The following CCNA1 variants were observed in gnomAD, a reference collection of about 807,000 sequenced individuals.
The protein encoded by CCNA1 is cyclin A1, also known as cyclin-A1.
CCNA1 carries 23 observed loss-of-function variants against 54.1 expected under a neutral mutation model. The observed-to-expected ratio is 0.42, with a 90% CI of 0.31 to 0.60. CCNA1 has a LOEUF of 0.60. CCNA1 is among the 20% of genes least tolerant of loss of function. The probability of loss-of-function intolerance (pLI) is 0.14; values close to 1 mark genes in which losing one functional copy is unlikely to be tolerated. For synonymous variants in CCNA1, 208 were observed against 213.9 expected, an observed-to-expected ratio of 0.97 and a Z score of 0.24; for missense variants, 450 against 556.7, an observed-to-expected ratio of 0.81 and a Z score of 1.93.
intron 2 of CCNA1, 35 bp from the exon 3 acceptor site, chr13:36,437,594 C>T (rs766678312): frequency 1.4e-5 from 22 of 1,603,938 alleles, no homozygotes; most frequent in South Asian, 4.5e-5. Flanking sequence ...TGGTCTTTGA[C>T]GTGGCCTCTA....
chr13:36,433,187 CT>C lies in CCNA1; in HGVS notation c.264del (p.Ala89GlnfsTer54). 1 of 1,613,962 alleles carries C rather than the reference CT, an allele frequency of 6.2e-7. No homozygotes were observed. Among genetic ancestry groups the C allele is most frequent in the South Asian group, 1.1e-5 (1 of 91,060 alleles). Reference sequence around the variant, plus strand: ...CAGAGGACAGTGCTAGGGCTGCTAACTGCAAATGGGCAGTACAGGAGGACCT... The same window carrying C: ...CAGAGGACAGTGCTAGGGCTGCTAACGCAAATGGGCAGTACAGGAGGACCT... On this transcript the variant is annotated frameshift_variant, in exon 2 of 9. Coordinates refer to ENST00000255465, the MANE Select transcript of CCNA1 (RefSeq NM_003914.4). LOFTEE classifies it high-confidence loss of function.
intron 2 of CCNA1, among the ~76,000 whole-genome samples, chr13:36,435,929 C>A (rs911694708): frequency 6.6e-6 from 1 of 152,200 alleles, no homozygotes; most frequent in African/African-American, 2.4e-5. Flanking sequence ...GCCTCCAAAC[C>A]TTTGTCTTCC....
rs749179710 is a variant in CCNA1, at chr13:36,441,121, G to A, written c.1102G>A (p.Val368Ile). Residue 368 changes from valine (V) to isoleucine (I), a missense_variant, in exon 7 of 9, where the codon GTA becomes ATA. This residue lies in a region of CCNA1 where 150 missense variants were observed against 219.7 expected (regional missense o/e 0.68). Coordinates refer to ENST00000255465, the MANE Select transcript of CCNA1 (RefSeq NM_003914.4). Reference sequence around the variant, plus strand: ...TGTTTTCTTCTCTTGTGCTTAGTACGTAGCAGAGCTGAGTCTACTTGAAGC... The same window carrying A: ...TGTTTTCTTCTCTTGTGCTTAGTACATAGCAGAGCTGAGTCTACTTGAAGC... 3.2e-5 allele frequency: 50 copies of A among 1,566,898 alleles called. No homozygotes were observed. Among genetic ancestry groups the A allele is most frequent in the East Asian group, 9.0e-5 (4 of 44,472 alleles).
rs1394920917 is a variant in CCNA1 at position 36,440,430 on chromosome 13, A to T, written c.1098+247A>T. ...AACTATTTAAAAATTTAAGCTTGGA[A>T]ACTGTTCTCTTATTGGATACAGACC... is the stretch of plus-strand genomic sequence containing the variant. On this transcript the variant is annotated intron_variant, in intron 6 of 8. Coordinates refer to ENST00000255465, the MANE Select transcript of CCNA1 (RefSeq NM_003914.4). 1.3e-3 allele frequency among the ~76,000 whole-genome samples: 193 copies of T among 152,286 alleles called. 1 individual carries two copies. The highest frequency in any genetic ancestry group is 2.3e-3 in the Non-Finnish European group (156 of 68,022).
chr13:36,433,458 CTTT>C (rs1172793036), intron 2 of CCNA1, among the ~76,000 whole-genome samples: 1 of 77,128 alleles, frequency 1.3e-5, no homozygotes, highest in Non-Finnish European at 3.2e-5. Flanking sequence ...TTCTTTCTTT[CTTT>C]TCTTTCTCTT....
Position 36,438,725 on chromosome 13 carries a change from C to A in CCNA1, c.751C>A (p.Leu251Met). 1 of 1,614,062 alleles carries A rather than the reference C, an allele frequency of 6.2e-7. No individual in the cohort carries two copies. ...CATGCGCACGATTCTGGTGGACTGG[C>A]TGGTGGAGGTTGGGGAAGAATATAA... is the stretch of plus-strand genomic sequence containing the variant. The change falls in exon 5 of 9, where the codon CTG (leucine) becomes ATG (methionine). Residue 251 changes from leucine (L) to methionine (M), a missense_variant. Leu to Met is a conservative substitution (Grantham distance 15). Around this residue, in one of 6 missense-constraint regions of CCNA1, gnomAD observed 150 missense variants for 219.7 expected, o/e 0.68. Coordinates refer to ENST00000255465, the MANE Select transcript of CCNA1 (RefSeq NM_003914.4).
chr13:36,436,713 C>T (rs191184273), intron 2 of CCNA1, among the ~76,000 whole-genome samples: 40 of 152,194 alleles, frequency 2.6e-4, no homozygotes, highest in Non-Finnish European at 3.2e-4. Flanking sequence ...CATAAGTGTT[C>T]GTTTTCTTAC....
chr13:36,437,721 C>T lies in CCNA1; in HGVS notation c.390C>T (p.Pro130=). 1.9e-6 allele frequency: 3 copies of T among 1,614,152 alleles called. No individual in the cohort carries two copies. The highest frequency in any genetic ancestry group is 2.5e-6 in the Non-Finnish European group (3 of 1,180,018). ...TCCCTGACTGTGGGGTCCAAGAGCC[C>T]CCCAAGCAAGGGTTTGACATCTACA... The change falls in exon 3 of 9, where the codon CCC becomes CCT. Residue 130 remains proline (P), a synonymous_variant. Transcript: ENST00000255465.
At chr13:36,433,443 G>GTTCGTTCGTTCGTTCGTTCT (rs1491577879) in intron 2 of CCNA1, among the ~76,000 whole-genome samples, 2 of 53,808 alleles carry the variant, frequency 3.7e-5, no homozygotes, top group African/African-American at 1.2e-4. Flanking sequence ...TCTTTCTTTC[G>GTTCGTTCGTTCGTTCGTTCT]TTCTTTCTTT....
At position 36,433,029 on chromosome 13, in the gene CCNA1, G is replaced by A. The variant is rs780508159; in HGVS notation, c.109-4G>A. The A allele has an allele frequency of 2.5e-6, 4 of 1,610,366 alleles. No homozygotes were observed. In the Admixed American group the frequency reaches 6.7e-5, roughly 27 times the overall value. ...CAGCTTGTCTGTTTCTCTTTCCCTG[G>A]TAGCAGCAGCCCGTGGAGTCTGAAG... On this transcript the variant is annotated splice_polypyrimidine_tract_variant and splice_region_variant and intron_variant, in intron 1 of 8. Coordinates refer to ENST00000255465, the MANE Select transcript of CCNA1 (RefSeq NM_003914.4).
chr13:36,435,763 G>C (rs1028454625), intron 2 of CCNA1, among the ~76,000 whole-genome samples: 2 of 152,150 alleles, frequency 1.3e-5, no homozygotes, highest in Non-Finnish European at 1.5e-5. Flanking sequence ...GTTTATTGCA[G>C]GCTCACATAT....
At chr13:36,433,416 TTCTTTCTTTCTTTC>T (rs2055750813) in intron 2 of CCNA1, among the ~76,000 whole-genome samples, 195 bp downstream of exon 2, 1 of 123,758 alleles carries the variant, frequency 8.1e-6, no homozygotes, top group Non-Finnish European at 1.8e-5. Context: ...CTTTCTTTCT[TTCTTTCTTTCTTTC>T]TTTCTTTCTT....
rs1593325134 is a variant in CCNA1, at chr13:36,438,797, T to C, written c.823T>C (p.Phe275Leu). 6.2e-7 allele frequency: 1 copy of C among 1,614,096 alleles called. No individual in the cohort carries two copies. The highest frequency in any genetic ancestry group is 2.2e-5 in the East Asian group (1 of 44,870). The change falls in exon 5 of 9, where the codon TTC (phenylalanine) becomes CTC (leucine). Residue 275 changes from phenylalanine (F) to leucine (L), a missense_variant. Physicochemically the swap from Phe to Leu is conservative, Grantham distance 22. Transcript: ENST00000255465. The stretch of plus-strand genomic sequence containing the variant: ...TCTGGCTGTCAACTTCCTGGACAGG[T>C]TCCTTTCATGTATGTCTGTTCTGAG...
At chr13:36,432,869 T>C in intron 1 of CCNA1, 140 bp downstream of exon 1, 6 of 950,864 alleles carry the variant, frequency 6.3e-6, no homozygotes, top group Non-Finnish European at 9.8e-6. Flanking sequence ...TGATCGCCTG[T>C]GCGGTCGCAC....
intron 5 of CCNA1, among the ~76,000 whole-genome samples, 189 bp downstream of exon 5, chr13:36,439,056 A>G (rs984632745): frequency 9.8e-5 from 15 of 152,312 alleles, no homozygotes; most frequent in African/African-American, 3.6e-4. Context: ...TTACTCTTCA[A>G]TCACCTGGTT....
chr13:36,436,813 C>A (rs577163026), intron 2 of CCNA1, among the ~76,000 whole-genome samples: 64 of 152,214 alleles, frequency 4.2e-4, no homozygotes, highest in Non-Finnish European at 8.5e-4. Flanking sequence ...CAGTACACAC[C>A]AAGATACATT....
rs61755284 is a variant in CCNA1, at chr13:36,437,880, C to G, written c.544+5C>G. On this transcript the variant is annotated splice_donor_5th_base_variant and intron_variant, in intron 3 of 8. Coordinates refer to ENST00000255465, the MANE Select transcript of CCNA1 (RefSeq NM_003914.4). ...TCCTGCTGGATTTCAACACAGGTAA[C>G]TGACTTGCCTATGGTTGATGGCTGA... The G allele has an allele frequency of 1.2e-6, 2 of 1,612,082 alleles. No homozygotes were observed. Among genetic ancestry groups the G allele is most frequent in the East Asian group, 4.5e-5 (2 of 44,836 alleles).
At chr13:36,435,087 G>T (rs2055785900) in intron 2 of CCNA1, among the ~76,000 whole-genome samples, 1 of 152,146 alleles carries the variant, frequency 6.6e-6, no homozygotes, top group Non-Finnish European at 1.5e-5. Flanking sequence ...TTTTCAGCTA[G>T]AAATGGTGAC....
intron 1 of CCNA1, 34 bp from the exon 2 acceptor site, chr13:36,432,999 C>A: frequency 6.3e-7 from 1 of 1,591,204 alleles, no homozygotes; most frequent in Middle Eastern, 2.0e-4. Flanking sequence ...ACGGAATCGA[C>A]TAAACAGCTT....
Sources: allele counts gnomAD v4.1 joint callset (sites outside exome capture counted in the v4.1 genomes callset), GRCh38; gene constraint gnomAD v4.1.1; regional missense constraint gnomAD v4.1.1; transcripts MANE v1.5; gene names NCBI Gene and HGNC (gene_info 2026-07-23, HGNC 2026-07-21).